The following OPCML variants were observed in gnomAD, a reference collection of about 807,000 sequenced individuals.
OPCML encodes the protein opioid binding protein/cell adhesion molecule like, also known as opioid-binding protein/cell adhesion molecule.
In OPCML, 13 loss-of-function variants were observed where a neutral mutation model predicts 37.8. The ratio of observed to expected loss-of-function variants is 0.34; its 90% CI spans 0.22 to 0.55. OPCML has a LOEUF of 0.55. Among genes scored for constraint, OPCML ranks in the 20% least tolerant of loss-of-function variants. The pLI is 0.91. For missense variants in OPCML, 341 were observed against 435.6 expected, an observed-to-expected ratio of 0.78 and a Z score of 1.93; for synonymous variants, 176 against 168.8, an observed-to-expected ratio of 1.04 and a Z score of -0.33.
intron 7 of OPCML, among the ~76,000 whole-genome samples, chr11:132,430,276 G>A (rs954995180): frequency 1.3e-5 from 2 of 152,094 alleles, no homozygotes; most frequent in Admixed American, 6.5e-5. Context: ...GACATGGAAC[G>A]AGAAGATGGA....
At chr11:133,243,075 A>G (rs1028163904) in intron 1 of OPCML, among the ~76,000 whole-genome samples, 11 of 152,292 alleles carry the variant, frequency 7.2e-5, no homozygotes, top group African/African-American at 2.6e-4. Context: ...TGTTTGCTGC[A>G]GGCAATTTCT....
chr11:133,209,759 C>T lies in OPCML; in HGVS notation c.62-266749G>A, dbSNP rs181064148. 3.9e-5 allele frequency among the ~76,000 whole-genome samples: 6 copies of T among 152,256 alleles called. No homozygotes were observed. In the East Asian group the frequency reaches 1.2e-3, roughly 29 times the overall value. ...AATAAACTAGAGATATCTAAAAAGG[C>T]AACTAAAGAAATGAGCCCAGACTGT... On this transcript the variant is annotated intron_variant, in intron 1 of 7. Coordinates refer to ENST00000524381, the MANE Select transcript of OPCML (RefSeq NM_001012393.5).
chr11:133,139,025 A>G lies in OPCML; in HGVS notation c.62-196015T>C, dbSNP rs560251367. Among the ~76,000 whole-genome samples the G allele has an allele frequency of 6.6e-5, 10 of 152,358 alleles. No individual in the cohort carries two copies. The East Asian group carries it at 1.9e-3, about 29-fold the overall frequency. On this transcript the variant is annotated intron_variant, in intron 1 of 7. Coordinates refer to ENST00000524381, the MANE Select transcript of OPCML (RefSeq NM_001012393.5). The stretch of plus-strand genomic sequence containing the variant: ...CCCAAATTAGAACAGAGTGTATTTC[A>G]AAGTATTTGTTGACTATATGGAGCT...
chr11:132,782,087 A>T (rs1247733675), intron 2 of OPCML, among the ~76,000 whole-genome samples: 6 of 151,314 alleles, frequency 4.0e-5, no homozygotes, highest in Non-Finnish European at 7.4e-5. Flanking sequence ...GTCTCTGCAA[A>T]TGTTTGAAAT....
At chr11:133,525,905 G>T (rs563382211) in intron 1 of OPCML, among the ~76,000 whole-genome samples, 9 of 152,322 alleles carry the variant, frequency 5.9e-5, no homozygotes, top group African/African-American at 2.2e-4. Flanking sequence ...CTTTCCGGGG[G>T]TCTCTCAGCA....
At chr11:133,312,893 G>A (rs999861514) in intron 1 of OPCML, among the ~76,000 whole-genome samples, 3 of 152,128 alleles carry the variant, frequency 2.0e-5, no homozygotes, top group Non-Finnish European at 4.4e-5. Context: ...TTATACTGAT[G>A]ATTAAAGGAT....
chr11:133,477,508 C>T (rs372367652), intron 1 of OPCML, among the ~76,000 whole-genome samples: 1 of 152,276 alleles, frequency 6.6e-6, no homozygotes, highest in East Asian at 1.9e-4. Flanking sequence ...CTTTGAATCC[C>T]ATTCATTTTC....
At chr11:132,761,404 C>G (rs1178010663) in intron 2 of OPCML, among the ~76,000 whole-genome samples, 1 of 152,014 alleles carries the variant, frequency 6.6e-6, no homozygotes, top group African/African-American at 2.4e-5. Flanking sequence ...AGTGTGTTTT[C>G]CAACTTGGTT....
intron 1 of OPCML, among the ~76,000 whole-genome samples, chr11:133,438,590 A>G (rs1311646563): frequency 6.6e-6 from 1 of 152,180 alleles, no homozygotes; most frequent in Non-Finnish European, 1.5e-5. Context: ...TAAGAAATAG[A>G]TATTTGATCT....
intron 1 of OPCML, among the ~76,000 whole-genome samples, chr11:133,350,254 C>T (rs946821281): frequency 6.6e-6 from 1 of 152,332 alleles, no homozygotes; most frequent in East Asian, 1.9e-4. Context: ...GATCTTCCCA[C>T]AGTTTCTCTG....
chr11:133,354,323 G>GGTGGTGATGGTGGTGGTA (rs1944231495), intron 1 of OPCML, among the ~76,000 whole-genome samples: 13 of 77,410 alleles, frequency 1.7e-4, no homozygotes, highest in Admixed American at 3.1e-4. Flanking sequence ...TAGTGGTGGT[G>GGTGGTGATGGTGGTGGTA]GTGGTGATGA....
chr11:132,509,525 C>T (rs1375143924), intron 4 of OPCML, among the ~76,000 whole-genome samples: 1 of 152,116 alleles, frequency 6.6e-6, no homozygotes, highest in Non-Finnish European at 1.5e-5. Context: ...ATTTTGTGGG[C>T]CAGGCCCAGG....
At chr11:133,092,203 C>A (rs1171710479) in intron 1 of OPCML, among the ~76,000 whole-genome samples, 2 of 152,188 alleles carry the variant, frequency 1.3e-5, no homozygotes, top group Non-Finnish European at 2.9e-5. Flanking sequence ...TCCCCAGACA[C>A]CAACCTCTCG....
At chr11:132,995,340 ATAGTAT>A (rs1292084077) in intron 1 of OPCML, among the ~76,000 whole-genome samples, 1 of 152,164 alleles carries the variant, frequency 6.6e-6, no homozygotes, top group East Asian at 1.9e-4. Context: ...TTACTCAATG[ATAGTAT>A]TAGTAGTCAT....
intron 7 of OPCML, chr11:132,435,213 A>G: frequency 1.6e-6 from 2 of 1,289,902 alleles, no homozygotes; most frequent in Non-Finnish European, 2.0e-6. Flanking sequence ...CAATGCACAC[A>G]CAATGCAGAG....
chr11:133,359,675 C>T (rs534646926), intron 1 of OPCML, among the ~76,000 whole-genome samples: 2 of 152,316 alleles, frequency 1.3e-5, no homozygotes, highest in African/African-American at 4.8e-5. Context: ...TCTTGTCCCT[C>T]AGCTGCCCAT....
At chr11:132,633,295 T>C (rs971715208) in intron 3 of OPCML, among the ~76,000 whole-genome samples, 3 of 150,206 alleles carry the variant, frequency 2.0e-5, no homozygotes, top group Non-Finnish European at 3.0e-5. Flanking sequence ...CTCTACCTCC[T>C]GGGTTCAAGT....
intron 1 of OPCML, among the ~76,000 whole-genome samples, chr11:133,095,059 G>A (rs1293176689): frequency 6.6e-6 from 1 of 151,888 alleles, no homozygotes; most frequent in East Asian, 1.9e-4. Context: ...AGAGTGTCGA[G>A]AGATACTGGA....
intron 1 of OPCML, among the ~76,000 whole-genome samples, chr11:133,168,821 G>A (rs939553045): frequency 6.6e-6 from 1 of 152,144 alleles, no homozygotes; most frequent in Non-Finnish European, 1.5e-5. Context: ...TGCCAGAACC[G>A]CATGAGAAAG....
Sources: allele counts gnomAD v4.1 joint callset (sites outside exome capture counted in the v4.1 genomes callset), GRCh38; gene constraint gnomAD v4.1.1; transcripts MANE v1.5; gene names NCBI Gene and HGNC (gene_info 2026-07-23, HGNC 2026-07-21).